The following ROBO2 variants were observed in gnomAD, a reference collection of about 807,000 sequenced individuals.
The protein encoded by ROBO2 is roundabout guidance receptor 2, also known as roundabout homolog 2.
ROBO2 carries 53 observed loss-of-function variants against 160.8 expected under a neutral mutation model. The observed-to-expected ratio is 0.33, with a 90% confidence interval of 0.26 to 0.41. The LOEUF is 0.41. Among genes scored for constraint, ROBO2 ranks in the 10% least tolerant of loss-of-function variants. The pLI is 1.00. For synonymous variants in ROBO2, 664 were observed against 611.7 expected (o/e 1.09, Z -1.26); for missense variants, 1,577 against 1,722.4 (o/e 0.92, Z 1.49).
chr3:77,361,916 G>A (rs1461941860), intron 2 of ROBO2, among the ~76,000 whole-genome samples: 2 of 152,148 alleles, frequency 1.3e-5, no homozygotes, highest in African/African-American at 2.4e-5. Context: ...TTTTACAAAT[G>A]TTCACCGAAT....
chr3:76,927,026 T>C (rs2077031845), intron 2 of ROBO2, among the ~76,000 whole-genome samples: 1 of 152,046 alleles, frequency 6.6e-6, no homozygotes, highest in Admixed American at 6.6e-5. Flanking sequence ...GTGGAACACA[T>C]GAGATTACTG....
chr3:76,695,393 A>G (rs1421673388), intron 2 of ROBO2, among the ~76,000 whole-genome samples: 1 of 152,124 alleles, frequency 6.6e-6, no homozygotes, highest in Non-Finnish European at 1.5e-5. Context: ...AGTAATTATT[A>G]CTACCTTTGA....
chr3:76,197,017 G>A (rs911786462), intron 2 of ROBO2, among the ~76,000 whole-genome samples: 1 of 152,180 alleles, frequency 6.6e-6, no homozygotes, highest in Non-Finnish European at 1.5e-5. Flanking sequence ...AAATTGAATT[G>A]TGACCTCAGC....
intron 2 of ROBO2, among the ~76,000 whole-genome samples, chr3:77,423,026 T>G (rs2077852930): frequency 6.6e-6 from 1 of 152,152 alleles, no homozygotes; most frequent in African/African-American, 2.4e-5. Context: ...ATCTAGAAGT[T>G]AAGTGATTAA....
intron 2 of ROBO2, among the ~76,000 whole-genome samples, chr3:76,705,945 T>C (rs1168391749): frequency 6.6e-6 from 1 of 152,144 alleles, no homozygotes; most frequent in Non-Finnish European, 1.5e-5. Context: ...TCAATGATTC[T>C]TTTTTCCAAA....
intron 2 of ROBO2, among the ~76,000 whole-genome samples, chr3:77,204,319 A>G (rs1430990313): frequency 1.3e-5 from 2 of 152,198 alleles, no homozygotes; most frequent in Non-Finnish European, 2.9e-5. Flanking sequence ...TTTTTTTAGC[A>G]AAATATGCTA....
At chr3:77,239,642 A>G (rs1250124123) in intron 2 of ROBO2, among the ~76,000 whole-genome samples, 2 of 152,170 alleles carry the variant, frequency 1.3e-5, no homozygotes, top group Non-Finnish European at 2.9e-5. Flanking sequence ...TGGTGCGTTT[A>G]CAATCCCTGA....
At chr3:76,032,209 T>G (rs1295323841) in intron 2 of ROBO2, among the ~76,000 whole-genome samples, 1 of 152,182 alleles carries the variant, frequency 6.6e-6, no homozygotes, top group Non-Finnish European at 1.5e-5. Flanking sequence ...GATATCCCCT[T>G]TATCATTTTT....
intron 2 of ROBO2, among the ~76,000 whole-genome samples, chr3:76,563,972 A>G (rs1225341141): frequency 6.6e-6 from 1 of 152,212 alleles, no homozygotes; most frequent in Non-Finnish European, 1.5e-5. Context: ...TTGAGAGGCC[A>G]AGGTGGGTGG....
At chr3:77,552,313 A>C (rs1219479483) in intron 8 of ROBO2, among the ~76,000 whole-genome samples, 1 of 152,010 alleles carries the variant, frequency 6.6e-6, no homozygotes, top group East Asian at 1.9e-4. Context: ...TTAACTACTT[A>C]TAATATTTTA....
intron 2 of ROBO2, among the ~76,000 whole-genome samples, chr3:75,959,273 G>A (rs995173506): frequency 2.6e-5 from 4 of 151,528 alleles, no homozygotes; most frequent in African/African-American, 7.3e-5. Flanking sequence ...ATTCCCATAC[G>A]TGTTAAAATT....
At chr3:76,162,530 A>C (rs11128505) in intron 2 of ROBO2, among the ~76,000 whole-genome samples, 60,599 of 151,892 alleles carry the variant, frequency 0.4, 13,829 homozygotes, top group East Asian at 0.56. Flanking sequence ...CCAGGTTAAT[A>C]TCCAACTCTT....
At chr3:76,757,916 A>T (rs947087809) in intron 2 of ROBO2, among the ~76,000 whole-genome samples, 1 of 151,740 alleles carries the variant, frequency 6.6e-6, no homozygotes, top group African/African-American at 2.4e-5. Context: ...AAAAGGCACG[A>T]TTTGTGAAAG....
chr3:77,257,761 A>G (rs2058516518), intron 2 of ROBO2, among the ~76,000 whole-genome samples: 3 of 152,348 alleles, frequency 2.0e-5, no homozygotes, highest in African/African-American at 7.2e-5. Flanking sequence ...CCAACTTACA[A>G]GATAAGAGAT....
intron 2 of ROBO2, among the ~76,000 whole-genome samples, chr3:76,996,642 TC>T (rs2061027619): frequency 6.6e-6 from 1 of 151,904 alleles, no homozygotes; most frequent in Non-Finnish European, 1.5e-5. Context: ...AGTGGTTTTG[TC>T]CCATCAGCCA....
chr3:77,081,534 G>A (rs2068657353), intron 1 of ROBO2, among the ~76,000 whole-genome samples: 1 of 152,212 alleles, frequency 6.6e-6, no homozygotes, highest in East Asian at 1.9e-4. Context: ...GATGCAAGAA[G>A]CATATCATTA....
rs1448096244 is a variant in ROBO2 at position 76,329,670 on chromosome 3, C to T, written c.109+392068C>T. On this transcript the variant is annotated intron_variant, in intron 2 of 26. Coordinates refer to the ROBO2 transcript ENST00000487694. ...AGGATACTTCTGCTTTGCGTTTTGG[C>T]ACGCTCAGCAAGAATATGCAAGGAA... Among the ~76,000 whole-genome samples the T allele has an allele frequency of 2.6e-5, 4 of 152,204 alleles. No individual in the cohort carries two copies. In the East Asian group the frequency reaches 7.7e-4, roughly 29 times the overall value.
intron 2 of ROBO2, among the ~76,000 whole-genome samples, chr3:76,162,237 G>A (rs535435794): frequency 1.2e-4 from 19 of 152,292 alleles, no homozygotes; most frequent in Non-Finnish European, 2.4e-4. Context: ...TCAGTTAAGA[G>A]CAAGAACTCA....
intron 2 of ROBO2, among the ~76,000 whole-genome samples, chr3:76,512,327 T>TAC (rs2068369564): frequency 6.8e-6 from 1 of 146,382 alleles, no homozygotes; most frequent in East Asian, 1.9e-4. Context: ...TATATGTATA[T>TAC]ATATATATAT....
Sources: allele counts gnomAD v4.1 joint callset (sites outside exome capture counted in the v4.1 genomes callset), GRCh38; gene constraint gnomAD v4.1.1; transcripts MANE v1.5; gene names NCBI Gene and HGNC (gene_info 2026-07-23, HGNC 2026-07-21).